Variants in ADRA1A observed in about 807,000 individuals in gnomAD.
The protein encoded by ADRA1A is alpha-1A adrenergic receptor.
Under a neutral mutation model 29.6 loss-of-function variants are expected in ADRA1A, and 31 were observed. The observed-to-expected ratio is 1.05, with a 90% CI of 0.79 to 1.41. The LOEUF (loss-of-function observed/expected upper bound fraction) is 1.41, where lower values mean the gene tolerates loss of function less well. Ranked by LOEUF, ADRA1A falls within the 40% of genes most tolerant of loss-of-function variation. The pLI is 0.00. For missense variants in ADRA1A, 619 were observed against 601.1 expected (o/e 1.03, Z -0.31); for synonymous variants, 311 against 254.3 (o/e 1.22, Z -2.12).
chr8:26,825,008 C>T lies in ADRA1A; in HGVS notation c.883+39079G>A, dbSNP rs73680932. Among the ~76,000 whole-genome samples, 9,411 of 149,896 alleles carry T rather than the reference C, an allele frequency of 0.063. 369 individuals carry two copies. The highest frequency in any genetic ancestry group is 0.1 in the African/African-American group (4,309 of 41,160). ...TGATGGCATCGTAGTTCTTCTTGAA[C>T]TAGCCGGCAGATCTGCAGTGTGGAA... is the stretch of plus-strand genomic sequence containing the variant. On this transcript the variant is annotated intron_variant, in intron 2 of 2. Transcript: ENST00000380573. This position sits in a 1 kb window ranked among gnomAD's most constrained non-coding sequence, Gnocchi z 5.7.
chr8:26,775,735 G>A lies in ADRA1A; in HGVS notation c.884-5069C>T, dbSNP rs1237577255. ...TCTTTCCACCATTTGGTCTGCTGCA[G>A]AATTTCTGCCTCTTTCCTGACCCTC... On this transcript the variant is annotated intron_variant, in intron 2 of 2. Transcript: ENST00000380573. The surrounding 1 kb of genome is among the most constrained non-coding windows in gnomAD (Gnocchi z 4.1). Among the ~76,000 whole-genome samples the A allele has an allele frequency of 6.6e-6, 1 of 152,186 alleles. No individual in the cohort carries two copies. The highest frequency in any genetic ancestry group is 2.1e-4 in the South Asian group (1 of 4,830).
chr8:26,769,895 C>G lies in ADRA1A; in HGVS notation c.*254G>C. 2 of 1,235,742 alleles carry G rather than the reference C, an allele frequency of 1.6e-6. No individual in the cohort carries two copies. The highest frequency in any genetic ancestry group is 6.6e-5 in the East Asian group (2 of 30,472). 76.5% of individuals were successfully genotyped at this position (1,235,742 alleles called of 1,614,324 possible). ...ATGGTGGTTTTCGTTGAAGTGGGCACAGAGTGACCAAGAAAGCATTAGCTG... is the reference window on the plus strand; with the variant it reads ...ATGGTGGTTTTCGTTGAAGTGGGCAGAGAGTGACCAAGAAAGCATTAGCTG... On this transcript the variant is annotated 3_prime_UTR_variant, in exon 3 of 3. Transcript: ENST00000380573.
intron 2 of ADRA1A, among the ~76,000 whole-genome samples, chr8:26,827,942 G>C (rs2130633904): frequency 1.3e-5 from 2 of 152,182 alleles, no homozygotes; most frequent in South Asian, 4.2e-4. Context: ...CACCCAGGCT[G>C]GGGTGCAGTG....
chr8:26,774,171 G>A (rs1260115186), intron 2 of ADRA1A, among the ~76,000 whole-genome samples: 3 of 152,210 alleles, frequency 2.0e-5, no homozygotes, highest in African/African-American at 7.2e-5. Context: ...TGTAAGCCTA[G>A]CACGGATTTG....
chr8:26,765,017 G>C (rs535939010), downstream of ADRA1A, among the ~76,000 whole-genome samples: 1 of 152,310 alleles, frequency 6.6e-6, no homozygotes, highest in South Asian at 2.1e-4. Context: ...GAAAAGGAAA[G>C]GCAATTATTT....
downstream of ADRA1A, among the ~76,000 whole-genome samples, chr8:26,767,761 C>T (rs61759732): frequency 1.1e-4 from 16 of 151,540 alleles, no homozygotes; most frequent in Non-Finnish European, 1.8e-4. Context: ...TGAAGAAAAA[C>T]GATAATCATT....
At chr8:26,793,326 T>G (rs1807965005) in intron 2 of ADRA1A, among the ~76,000 whole-genome samples, 4 of 151,930 alleles carry the variant, frequency 2.6e-5, no homozygotes, top group Admixed American at 2.6e-4. Context: ...CAATGACAAC[T>G]TAGAAAATAC....
At chr8:26,773,925 A>G (rs1219314497) in intron 2 of ADRA1A, among the ~76,000 whole-genome samples, 2 of 152,116 alleles carry the variant, frequency 1.3e-5, no homozygotes, top group African/African-American at 4.8e-5. Flanking sequence ...CCCACTCAAA[A>G]CACTCATTTC....
intron 2 of ADRA1A, among the ~76,000 whole-genome samples, chr8:26,811,444 G>A (rs550673672): frequency 1.3e-5 from 2 of 152,102 alleles, no homozygotes; most frequent in South Asian, 4.2e-4. Flanking sequence ...CACCCACCTC[G>A]GCCTCCCAAA....
At chr8:26,764,083 T>A (rs138587297), downstream of ADRA1A, among the ~76,000 whole-genome samples, 1 of 152,172 alleles carries the variant, frequency 6.6e-6, no homozygotes, top group Non-Finnish European at 1.5e-5. Context: ...CTGGGGACTC[T>A]CTGTGCCTCT....
intron 2 of ADRA1A, among the ~76,000 whole-genome samples, chr8:26,850,528 C>T (rs1812553039): frequency 6.6e-6 from 1 of 152,198 alleles, no homozygotes; most frequent in Admixed American, 6.5e-5. Context: ...CAAAGTGTTG[C>T]TCTGTTGCCC....
At chr8:26,809,882 T>C (rs935141163) in intron 2 of ADRA1A, among the ~76,000 whole-genome samples, 2 of 152,220 alleles carry the variant, frequency 1.3e-5, no homozygotes, top group African/African-American at 4.8e-5. Flanking sequence ...CGCTATATAA[T>C]TTTGGCAAAG....
intron 2 of ADRA1A, among the ~76,000 whole-genome samples, chr8:26,808,702 A>G (rs534784726): frequency 4.6e-5 from 7 of 152,264 alleles, no homozygotes; most frequent in Admixed American, 2.0e-4. Context: ...CCTACTCACT[A>G]AGATAAGAAA....
intron 2 of ADRA1A, among the ~76,000 whole-genome samples, chr8:26,829,911 T>TG (rs1285660977): frequency 2.0e-5 from 3 of 148,670 alleles, no homozygotes; most frequent in African/African-American, 7.5e-5. Context: ...GGTCAACACA[T>TG]TTGGGAAATA....
chr8:26,864,756 C>G lies in ADRA1A; in HGVS notation c.214G>C (p.Asp72His), dbSNP rs748400751. The change falls in exon 2 of 3, where the codon GAC (aspartate) becomes CAC (histidine). Residue 72 changes from aspartate to histidine, a missense_variant. By Grantham distance (81) the Asp-to-His change is moderately conservative. Transcript: ENST00000380573. This position sits in a 1 kb window ranked among gnomAD's most constrained non-coding sequence, Gnocchi z 8.1. Reference sequence around the variant, plus strand: ...AGCACCGTGGAGGTGAGCAGGAGGTCGGCCACCGCCAGGTTGACGATGTAG... The same window carrying G: ...AGCACCGTGGAGGTGAGCAGGAGGTGGGCCACCGCCAGGTTGACGATGTAG... ...HYYIVNLAVADLLLTSTVLPF... is the reference protein window; with the variant it reads ...HYYIVNLAVAHLLLTSTVLPF... 8.7e-6 allele frequency: 14 copies of G among 1,614,102 alleles called. 1 individual carries two copies. The highest frequency in any genetic ancestry group is 6.6e-5 in the South Asian group (6 of 91,056).
rs1310861678 is a variant in ADRA1A at position 26,864,418 on chromosome 8, G to A, written c.552C>T (p.Tyr184=). The A allele has an allele frequency of 1.2e-6, 2 of 1,613,544 alleles. No homozygotes were observed. The highest frequency in any genetic ancestry group is 2.2e-5 in the South Asian group (2 of 91,080). ...AGGAGCCCAGCGCTGAGAAGAGCAC[G>A]TAGCCCGGCTCCTCGTTGATCTGGC... ...TICQINEEPG[Y]VLFSALGSFY... Residue 184 remains tyrosine, a synonymous_variant, in exon 2 of 3, where the codon TAC becomes TAT. Transcript: ENST00000380573. The surrounding 1 kb of genome is among the most constrained non-coding windows in gnomAD (Gnocchi z 8.1).
chr8:26,816,589 C>A (rs544435845), intron 2 of ADRA1A, among the ~76,000 whole-genome samples: 3 of 151,168 alleles, frequency 2.0e-5, no homozygotes, highest in Non-Finnish European at 4.4e-5. Flanking sequence ...TGTGTGCACA[C>A]GCTCATGTGC....
chr8:26,812,037 T>C (rs968647958), intron 2 of ADRA1A, among the ~76,000 whole-genome samples: 2 of 152,242 alleles, frequency 1.3e-5, no homozygotes, highest in African/African-American at 4.8e-5. Context: ...ATCTTTGGGC[T>C]GATATGTCTT....
downstream of ADRA1A, among the ~76,000 whole-genome samples, chr8:26,755,196 T>C (rs1464747828): frequency 1.5e-5 from 2 of 135,062 alleles, no homozygotes; most frequent in African/African-American, 6.3e-5. Flanking sequence ...TAGACCTCCT[T>C]TTTTTTTTTT....
Sources: gnomAD v4.1 joint callset for allele counts (sites outside exome capture counted in the v4.1 genomes callset) on GRCh38, gnomAD v4.1.1 for gene constraint, Gnocchi (gnomAD v3.1) non-coding constraint, MANE v1.5 for transcripts, NCBI Gene and HGNC (gene_info 2026-07-23, HGNC 2026-07-21) for gene names.